Variants in PRMT2 observed in about 807,000 individuals in gnomAD.
The protein encoded by PRMT2 is protein arginine N-methyltransferase 2.
Under a neutral mutation model 57.6 loss-of-function variants are expected in PRMT2, and 26 were observed. That is an observed-to-expected ratio of 0.45 (90% confidence interval 0.33 to 0.63). The LOEUF (loss-of-function observed/expected upper bound fraction) is 0.63, where lower values mean the gene tolerates loss of function less well. Ranked by LOEUF, PRMT2 falls within the 20% of genes least tolerant of loss-of-function variation. PRMT2 has a pLI of 0.02. For missense variants in PRMT2, 472 were observed against 564.4 expected (o/e 0.84, Z 1.66); for synonymous variants, 219 against 220.0 (o/e 1.00, Z 0.04).
intron 4 of PRMT2, 139 bp downstream of exon 4, chr21:46,643,778 G>T: frequency 9.1e-7 from 1 of 1,103,008 alleles, no homozygotes. Flanking sequence ...TGTGTGTGAA[G>T]CTCACAGCCC....
At chr21:46,660,502 T>C (rs1158354060) in intron 8 of PRMT2, among the ~76,000 whole-genome samples, 1 of 152,146 alleles carries the variant, frequency 6.6e-6, no homozygotes, top group Non-Finnish European at 1.5e-5. Context: ...GTCCTCTGGG[T>C]TATGAGGGGT....
chr21:46,653,241 T>G, intron 7 of PRMT2: 1 of 985,374 alleles, frequency 1.0e-6, no homozygotes, highest in Non-Finnish European at 1.2e-6. Flanking sequence ...CCTTGTACTG[T>G]TTTATTGACT....
At chr21:46,653,267 C>G in intron 7 of PRMT2, 1 of 985,354 alleles carries the variant, frequency 1.0e-6, no homozygotes, top group Non-Finnish European at 1.2e-6. Flanking sequence ...ATCACAAATC[C>G]TGAGCTTAAC....
intron 8 of PRMT2, 103 bp from the exon 9 acceptor site, chr21:46,660,730 G>A (rs2061606733): frequency 9.2e-6 from 13 of 1,416,130 alleles, no homozygotes; most frequent in African/African-American, 1.4e-5. Flanking sequence ...TTAGCATCCT[G>A]GTGACACAGA....
intron 3 of PRMT2, among the ~76,000 whole-genome samples, chr21:46,638,490 A>G (rs1467659216): frequency 6.6e-6 from 1 of 152,218 alleles, no homozygotes; most frequent in East Asian, 1.9e-4. Context: ...TGCTCCAGTA[A>G]TGGCATTGCA....
rs891181856 is a variant in PRMT2 at position 46,635,691 on chromosome 21, C to T, written c.-238C>T. Reference sequence around the variant, plus strand: ...CGCGGGTTGAGGGCGGTGGCTCAGGCTCCTGGAAAGGACCGTCCACCCCTC... The same window carrying T: ...CGCGGGTTGAGGGCGGTGGCTCAGGTTCCTGGAAAGGACCGTCCACCCCTC... On this transcript the variant is annotated 5_prime_UTR_variant, in exon 1 of 12. Coordinates refer to ENST00000355680, the MANE Select transcript of PRMT2 (RefSeq NM_206962.4). 6.6e-6 allele frequency: 1 copy of T among 152,428 alleles called. No individual in the cohort carries two copies. Among genetic ancestry groups the T allele is most frequent in the Non-Finnish European group, 1.5e-5 (1 of 68,180 alleles). The allele number at this position is 152,428 out of a possible 1,614,324, so 9.4% of individuals were successfully genotyped here.
At chr21:46,643,260 T>G (rs1179666149) in intron 3 of PRMT2, 1 of 325,822 alleles carries the variant, frequency 3.1e-6, no homozygotes, top group East Asian at 8.7e-5. Flanking sequence ...GGACAAGGGC[T>G]CCTCACCAAA....
At chr21:46,658,539 C>T (rs1601950650) in intron 7 of PRMT2, 5 of 833,904 alleles carry the variant, frequency 6.0e-6, no homozygotes, top group African/African-American at 1.7e-5. Context: ...GTGACTTAAA[C>T]CCAGGCTGTG....
chr21:46,649,538 G>T lies in PRMT2; in HGVS notation c.490-37G>T, dbSNP rs1295874455. ...GAGAGTAGATGACGGGCCGTGTGCCGGCCGGATGTACGCTGACGGTGCCTC... is the reference window on the plus strand; with the variant it reads ...GAGAGTAGATGACGGGCCGTGTGCCTGCCGGATGTACGCTGACGGTGCCTC... On this transcript the variant is annotated intron_variant, in intron 6 of 11. Transcript: ENST00000355680. The surrounding 1 kb of genome is among the most constrained non-coding windows in gnomAD (Gnocchi z 4.8). 1 of 1,613,346 alleles carries T rather than the reference G, an allele frequency of 6.2e-7. No individual in the cohort carries two copies. Among genetic ancestry groups the T allele is most frequent in the African/African-American group, 1.3e-5 (1 of 74,910 alleles).
At chr21:46,639,374 T>C (rs2061229243) in intron 3 of PRMT2, among the ~76,000 whole-genome samples, 1 of 152,160 alleles carries the variant, frequency 6.6e-6, no homozygotes, top group Admixed American at 6.5e-5. Context: ...GTGTTATTAG[T>C]ATTGTTGAAA....
intron 5 of PRMT2, among the ~76,000 whole-genome samples, chr21:46,644,961 T>C (rs138109192): frequency 1.0e-3 from 157 of 151,958 alleles, no homozygotes; most frequent in African/African-American, 3.7e-3. Flanking sequence ...TTAGGCTGAG[T>C]GTGGTGGCTG....
In PRMT2 at chr21:46,658,852, T is replaced by A. The variant is rs1821238296; in HGVS notation, c.762T>A (p.Ala254=). The A allele has an allele frequency of 2.5e-6, 4 of 1,614,126 alleles. No homozygotes were observed. Among genetic ancestry groups the A allele is most frequent in the Non-Finnish European group, 3.4e-6 (4 of 1,180,054 alleles). ...MAALHLVPCS[A]DKDYRSKVLF... is the part of the protein sequence containing the mutation. ...CGTTGCACCTTGTGCCCTGCAGTGC[T>A]GATAAGGATTATCGTAGCAAGGTGC... The change falls in exon 8 of 12, where the codon GCT becomes GCA. Residue 254 remains alanine, a synonymous_variant. Coordinates refer to ENST00000355680, the MANE Select transcript of PRMT2 (RefSeq NM_206962.4).
intron 7 of PRMT2, chr21:46,653,131 T>C (rs989822989): frequency 2.0e-6 from 2 of 985,308 alleles, no homozygotes; most frequent in Admixed American, 6.2e-5. Context: ...GAATAAAGAA[T>C]TTGGACCAAA....
chr21:46,648,830 A>G lies in PRMT2; in HGVS notation c.489+211A>G, dbSNP rs1196188461. ...CTAGAGGCCGTGGCGCCCGCGTACA[A>G]TGAGTCGCAGACAGCACAGACGGGA... On this transcript the variant is annotated intron_variant, in intron 6 of 11. Coordinates refer to ENST00000355680, the MANE Select transcript of PRMT2 (RefSeq NM_206962.4). The surrounding 1 kb of genome is among the most constrained non-coding windows in gnomAD (Gnocchi z 4.8). 2.6e-5 allele frequency among the ~76,000 whole-genome samples: 4 copies of G among 152,214 alleles called. No individual in the cohort carries two copies. The highest frequency in any genetic ancestry group is 4.4e-5 in the Non-Finnish European group (3 of 68,026).
chr21:46,653,433 A>G, intron 7 of PRMT2: 1 of 995,642 alleles, frequency 1.0e-6, no homozygotes, highest in Non-Finnish European at 1.2e-6. Flanking sequence ...CCCCTCAGCA[A>G]GACTCTGGCC....
intron 7 of PRMT2, chr21:46,652,697 A>G (rs2061478535): frequency 6.2e-6 from 7 of 1,133,242 alleles, no homozygotes; most frequent in Non-Finnish European, 7.7e-6. Context: ...AAAGAGCATT[A>G]AAATTTTTTT....
chr21:46,644,957 T>A (rs1411432059), intron 5 of PRMT2, among the ~76,000 whole-genome samples: 4 of 151,970 alleles, frequency 2.6e-5, no homozygotes, highest in Non-Finnish European at 5.9e-5. Flanking sequence ...GAAATTAGGC[T>A]GAGTGTGGTG....
Position 46,648,682 on chromosome 21 carries a change from C to T in PRMT2, c.489+63C>T. On this transcript the variant is annotated intron_variant, in intron 6 of 11. Transcript: ENST00000355680. The surrounding 1 kb of genome is among the most constrained non-coding windows in gnomAD (Gnocchi z 4.8). ...CGAGGCTGGTGACGTCCGAGGTGGC[C>T]TCTGAGTGTGCTGACTTGTGACCCT... is the stretch of plus-strand genomic sequence containing the variant. 1.9e-6 allele frequency: 3 copies of T among 1,579,480 alleles called. No individual in the cohort carries two copies. In the South Asian group the frequency reaches 3.4e-5, roughly 18 times the overall value.
At chr21:46,654,926 T>C (rs765500116) in intron 7 of PRMT2, 3 of 983,118 alleles carry the variant, frequency 3.1e-6, no homozygotes, top group Non-Finnish European at 3.6e-6. Context: ...TGTATGTACA[T>C]AGAGTGTACA....
Sources: gnomAD v4.1 joint callset for allele counts (sites outside exome capture counted in the v4.1 genomes callset) on GRCh38, gnomAD v4.1.1 for gene constraint, Gnocchi (gnomAD v3.1) non-coding constraint, MANE v1.5 for transcripts, NCBI Gene and HGNC (gene_info 2026-07-23, HGNC 2026-07-21) for gene names.